The following LTBP1 variants were observed in gnomAD, a reference collection of about 807,000 sequenced individuals.
LTBP1 encodes latent transforming growth factor beta binding protein 1.
A neutral mutation model predicts 207.6 loss-of-function variants in LTBP1; 129 were observed. That is an observed-to-expected ratio of 0.62 (90% CI 0.54 to 0.72). The LOEUF (loss-of-function observed/expected upper bound fraction) is 0.72. Ranked by LOEUF, LTBP1 falls within the 30% of genes least tolerant of loss-of-function variation. The pLI is 0.00. For synonymous variants in LTBP1, 963 were observed against 833.7 expected (o/e 1.16, Z -2.67); for missense variants, 2,281 against 2,217.2 (o/e 1.03, Z -0.58).
chr2:33,307,469 C>G (rs1457981802), intron 22 of LTBP1, among the ~76,000 whole-genome samples: 1 of 152,172 alleles, frequency 6.6e-6, no homozygotes, highest in African/African-American at 2.4e-5. Context: ...GCACAGAGAA[C>G]TACTGATACA....
At chr2:33,172,606 G>C (rs1408901767) in intron 5 of LTBP1, among the ~76,000 whole-genome samples, 2 of 152,104 alleles carry the variant, frequency 1.3e-5, no homozygotes, top group Non-Finnish European at 2.9e-5. Context: ...GAGACAGAAA[G>C]TTAACAAGGA....
At chr2:33,187,949 G>T (rs74689864) in intron 6 of LTBP1, among the ~76,000 whole-genome samples, 1 of 152,068 alleles carries the variant, frequency 6.6e-6, no homozygotes, top group Non-Finnish European at 1.5e-5. Flanking sequence ...ATTAACATTT[G>T]ATAAAATTTA....
chr2:33,306,838 C>A (rs1283097125), intron 22 of LTBP1, among the ~76,000 whole-genome samples: 2 of 152,032 alleles, frequency 1.3e-5, no homozygotes, highest in Non-Finnish European at 1.5e-5. Flanking sequence ...ACCTGTAATC[C>A]CAGCACTTTG....
chr2:33,125,496 G>A lies in LTBP1; in HGVS notation c.1034-9297G>A, dbSNP rs576720973. ...GCAGAAGGGAAGAAGAACATGTTATGTGTGTGTATGTTTATGTTAGTTATC... is the reference window on the plus strand; with the variant it reads ...GCAGAAGGGAAGAAGAACATGTTATATGTGTGTATGTTTATGTTAGTTATC... On this transcript the variant is annotated intron_variant, in intron 4 of 33. Coordinates refer to ENST00000404816, the MANE Select transcript of LTBP1 (RefSeq NM_206943.4). Among the ~76,000 whole-genome samples, 9 of 152,252 alleles carry A rather than the reference G, an allele frequency of 5.9e-5. No individual in the cohort carries two copies. In the South Asian group the frequency reaches 1.5e-3, roughly 25 times the overall value.
Position 33,270,062 on chromosome 2 carries a change from GC to G in LTBP1, c.2618-3591del, listed in dbSNP as rs2093282356. On this transcript the variant is annotated intron_variant, in intron 15 of 33. Coordinates refer to ENST00000404816, the MANE Select transcript of LTBP1 (RefSeq NM_206943.4). Reference sequence around the variant, plus strand: ...CTCCCGAATAGCTGGGACTACAGGTGCCCACCACCACACCTGGCTAATTTTT... The same window carrying G: ...CTCCCGAATAGCTGGGACTACAGGTGCCACCACCACACCTGGCTAATTTTT... Among the ~76,000 whole-genome samples the G allele has an allele frequency of 4.7e-5, 7 of 150,158 alleles. 1 individual carries two copies. Among genetic ancestry groups the G allele is most frequent in the Middle Eastern group, 3.5e-3 (1 of 288 alleles).
At chr2:32,970,251 A>G (rs1281430118) in intron 2 of LTBP1, among the ~76,000 whole-genome samples, 1 of 152,210 alleles carries the variant, frequency 6.6e-6, no homozygotes, top group Non-Finnish European at 1.5e-5. Flanking sequence ...TTTGCTGTGC[A>G]GAAGCTCTTT....
At chr2:33,214,222 G>T (rs2090521276) in intron 7 of LTBP1, among the ~76,000 whole-genome samples, 1 of 152,102 alleles carries the variant, frequency 6.6e-6, no homozygotes, top group Non-Finnish European at 1.5e-5. Context: ...GCAACGGTGG[G>T]GACCTCTGTG....
chr2:32,947,811 C>A lies in LTBP1; in HGVS notation c.487C>A (p.Leu163Met). ...GCTGCAGGTTCACCAGAAGCAGCAGCTGCAGGGGTAAGCCCACACCCCCTT... is the reference window on the plus strand; with the variant it reads ...GCTGCAGGTTCACCAGAAGCAGCAGATGCAGGGGTAAGCCCACACCCCCTT... ...SRLQVHQKQQLQGVNVCGGRC... is the reference protein window; with the variant it reads ...SRLQVHQKQQMQGVNVCGGRC... Residue 163 changes from leucine to methionine, a missense_variant, in exon 1 of 34, where the codon CTG becomes ATG. Leu to Met is a conservative substitution (Grantham distance 15). Transcript: ENST00000404816. The A allele has an allele frequency of 6.9e-7, 1 of 1,445,906 alleles. No individual in the cohort carries two copies. The highest frequency in any genetic ancestry group is 1.5e-5 in the South Asian group (1 of 66,886). 89.6% of individuals were successfully genotyped at this position (1,445,906 alleles called of 1,614,324 possible). A position where few individuals can be genotyped will look rare whatever the true frequency, so the allele number is the denominator to read the frequency against.
chr2:33,272,728 C>T (rs1201152444), intron 15 of LTBP1, among the ~76,000 whole-genome samples: 1 of 152,224 alleles, frequency 6.6e-6, no homozygotes, highest in Non-Finnish European at 1.5e-5. Flanking sequence ...TGTGCCTGCA[C>T]TGTCTTCAAG....
At chr2:33,084,831 A>G (rs1464308177) in intron 3 of LTBP1, among the ~76,000 whole-genome samples, 2 of 152,190 alleles carry the variant, frequency 1.3e-5, no homozygotes, top group African/African-American at 2.4e-5. Context: ...AGAGTCCACC[A>G]TGATCCAGTT....
chr2:32,964,562 C>T (rs1679650125), intron 2 of LTBP1, among the ~76,000 whole-genome samples: 1 of 151,768 alleles, frequency 6.6e-6, no homozygotes. Context: ...CTTCCCAGTG[C>T]CAGTAGCATG....
chr2:33,111,682 C>A (rs1558651029), intron 4 of LTBP1, among the ~76,000 whole-genome samples: 1 of 152,190 alleles, frequency 6.6e-6, no homozygotes, highest in South Asian at 2.1e-4. Context: ...ACTCTTCCCT[C>A]AGAATTGGTC....
At chr2:33,110,335 A>C (rs1572678669) in intron 3 of LTBP1, among the ~76,000 whole-genome samples, 1 of 152,122 alleles carries the variant, frequency 6.6e-6, no homozygotes. Context: ...GTGATGACCT[A>C]TTTATCATCA....
At chr2:33,097,272 A>G (rs1273386968) in intron 3 of LTBP1, among the ~76,000 whole-genome samples, 1 of 152,210 alleles carries the variant, frequency 6.6e-6, no homozygotes, top group African/African-American at 2.4e-5. Context: ...GCAACATATT[A>G]ATAATATAAA....
intron 2 of LTBP1, among the ~76,000 whole-genome samples, chr2:33,006,393 T>C (rs888148743): frequency 1.3e-5 from 2 of 150,086 alleles, no homozygotes; most frequent in African/African-American, 4.9e-5. Context: ...TTTTTTTTTT[T>C]TTTTTTTTGA....
intron 15 of LTBP1, among the ~76,000 whole-genome samples, chr2:33,265,927 T>C (rs879707958): frequency 4.6e-5 from 7 of 152,170 alleles, no homozygotes; most frequent in Admixed American, 2.6e-4. Context: ...CTCAGAAACA[T>C]GTTATGGTTC....
intron 7 of LTBP1, among the ~76,000 whole-genome samples, chr2:33,205,600 T>C (rs2089793199): frequency 6.6e-6 from 1 of 152,168 alleles, no homozygotes; most frequent in African/African-American, 2.4e-5. Context: ...CCTTAATTCC[T>C]ACAGCAGGGA....
At chr2:33,096,519 T>G (rs1465779327) in intron 3 of LTBP1, among the ~76,000 whole-genome samples, 1 of 152,198 alleles carries the variant, frequency 6.6e-6, no homozygotes, top group Non-Finnish European at 1.5e-5. Flanking sequence ...TCAAGAATTG[T>G]GAGTTCTGCC....
intron 7 of LTBP1, among the ~76,000 whole-genome samples, chr2:33,199,964 T>G (rs1435960533): frequency 1.3e-5 from 2 of 151,914 alleles, no homozygotes; most frequent in South Asian, 2.1e-4. Flanking sequence ...CACTGCTCAA[T>G]GAAATAAAAG....
Sources: gnomAD v4.1 joint callset for allele counts (sites outside exome capture counted in the v4.1 genomes callset) on GRCh38, gnomAD v4.1.1 for gene constraint, MANE v1.5 for transcripts, NCBI Gene and HGNC (gene_info 2026-07-23, HGNC 2026-07-21) for gene names.